Variants in FCRL3 observed in about 807,000 individuals in gnomAD.
The protein encoded by FCRL3 is Fc receptor-like protein 3.
In FCRL3, 89 loss-of-function variants were observed where a neutral mutation model predicts 75.0. The observed-to-expected ratio is 1.19, with a 90% CI of 1.00 to 1.42. The LOEUF is 1.42. FCRL3 is among the 40% of genes most tolerant of loss of function. FCRL3 has a pLI of 0.00. For synonymous variants in FCRL3, 376 were observed against 348.5 expected, an observed-to-expected ratio of 1.08 and a Z score of -0.88; for missense variants, 946 against 880.0, an observed-to-expected ratio of 1.07 and a Z score of -0.95.
At chr1:157,699,383 A>C (rs1656165036) in intron 3 of FCRL3, among the ~76,000 whole-genome samples, 1 of 151,998 alleles carries the variant, frequency 6.6e-6, no homozygotes, top group Non-Finnish European at 1.5e-5. Flanking sequence ...TCAGAGGGAG[A>C]TGTACTAGAG....
chr1:157,693,726 T>TTCTCTC (rs754715689), intron 8 of FCRL3, among the ~76,000 whole-genome samples: 10 of 149,550 alleles, frequency 6.7e-5, no homozygotes, highest in African/African-American at 2.2e-4. Flanking sequence ...CTTCCTTCCT[T>TTCTCTC]TCTCTCTCTC....
intron 3 of FCRL3, among the ~76,000 whole-genome samples, chr1:157,699,197 GGTTGCCTGA>G (rs1274657118): frequency 3.9e-5 from 6 of 152,180 alleles, no homozygotes; most frequent in East Asian, 1.9e-4. Context: ...GAGGAGGATG[GGTTGCCTGA>G]GAAGTCAGAC....
intron 6 of FCRL3, 31 bp from the exon 7 acceptor site, chr1:157,696,358 C>A: frequency 6.2e-7 from 1 of 1,608,558 alleles, no homozygotes; most frequent in Non-Finnish European, 8.5e-7. Flanking sequence ...ATGTGAAGGT[C>A]CTGATGGCAG....
In FCRL3 at chr1:157,695,436, G is replaced by A. The variant is rs1385889785; in HGVS notation, c.1304C>T (p.Ala435Val). The change falls in exon 8 of 15, where the codon GCC (alanine) becomes GTC (valine). Residue 435 changes from alanine to valine, a missense_variant. By Grantham distance (64) the Ala-to-Val change is moderately conservative. Transcript: ENST00000368184. The stretch of plus-strand genomic sequence containing the variant: ...TGCAGTCAGAGAGAGGTTGAAGGAG[G>A]CTCCTCCTCCAGAGGGGGCTGAGCT... ...GNSSAPSGGG[A>V]SFNLSLTAEH... 1 of 1,614,184 alleles carries A rather than the reference G, an allele frequency of 6.2e-7. No homozygotes were observed. The highest frequency in any genetic ancestry group is 1.7e-5 in the Admixed American group (1 of 60,028).
rs967232966 is a variant in FCRL3, at chr1:157,678,140, T to C, written c.*570A>G. On this transcript the variant is annotated 3_prime_UTR_variant, in exon 15 of 15. Transcript: ENST00000368184. ...TGCTGAAGTTATTTTTCATCATAAC[T>C]AGGGTAATTTGGTTGGGAATGTCAC... 1.4e-5 allele frequency: 14 copies of C among 986,066 alleles called. No individual in the cohort carries two copies. The highest frequency in any genetic ancestry group is 1.7e-5 in the Non-Finnish European group (14 of 830,550). The allele number at this position is 986,066 out of a possible 1,614,324, so 61.1% of individuals were successfully genotyped here. A position where few individuals can be genotyped will look rare whatever the true frequency, so the allele number is the denominator to read the frequency against.
intron 8 of FCRL3, among the ~76,000 whole-genome samples, chr1:157,694,051 C>T (rs775337918): frequency 1.1e-4 from 17 of 152,080 alleles, no homozygotes; most frequent in Admixed American, 1.3e-4. Context: ...CACCCGGCCC[C>T]TTATTTAATT....
At chr1:157,688,203 T>C (rs1176427087) in intron 10 of FCRL3, among the ~76,000 whole-genome samples, 1 of 151,942 alleles carries the variant, frequency 6.6e-6, no homozygotes, top group Non-Finnish European at 1.5e-5. Flanking sequence ...CTATTAAAAA[T>C]TAACTTTAAA....
At chr1:157,696,967 T>A in intron 6 of FCRL3, 173 bp downstream of exon 6, 1 of 490,336 alleles carries the variant, frequency 2.0e-6, no homozygotes, top group Non-Finnish European at 3.3e-6. Context: ...CTGACTCAAG[T>A]GGAAGAAAAT....
At chr1:157,686,219 A>C (rs888193759) in intron 10 of FCRL3, among the ~76,000 whole-genome samples, 1 of 151,992 alleles carries the variant, frequency 6.6e-6, no homozygotes. Context: ...TGAAATACCT[A>C]GGAATACAGC....
intron 10 of FCRL3, among the ~76,000 whole-genome samples, chr1:157,685,924 T>C (rs889948523): frequency 6.6e-6 from 1 of 152,106 alleles, no homozygotes; most frequent in Non-Finnish European, 1.5e-5. Context: ...CAACTATGCA[T>C]GTCCACTATC....
intron 11 of FCRL3, 108 bp downstream of exon 11, chr1:157,683,108 TA>T: frequency 7.9e-7 from 1 of 1,270,938 alleles, no homozygotes; most frequent in Non-Finnish European, 1.1e-6. Context: ...TGTAAGAACG[TA>T]AAAATGCTAC....
At chr1:157,693,274 CAA>C (rs375572340) in intron 8 of FCRL3, among the ~76,000 whole-genome samples, 7 of 54,790 alleles carry the variant, frequency 1.3e-4, no homozygotes, top group South Asian at 7.2e-4. Flanking sequence ...GACTCCATCT[CAA>C]AAAAAAAAAA....
chr1:157,683,820 G>A (rs556241632), intron 10 of FCRL3, among the ~76,000 whole-genome samples: 15 of 152,180 alleles, frequency 9.9e-5, no homozygotes, highest in Admixed American at 7.9e-4. Context: ...GGCTAGCTCC[G>A]ATTTATCTTT....
chr1:157,693,728 C>T (rs984237350), intron 8 of FCRL3, among the ~76,000 whole-genome samples: 5 of 148,634 alleles, frequency 3.4e-5, no homozygotes, highest in Non-Finnish European at 7.4e-5. Flanking sequence ...TCCTTCCTTT[C>T]TCTCTCTCTC....
At chr1:157,692,953 A>G (rs1217059373) in intron 8 of FCRL3, among the ~76,000 whole-genome samples, 1 of 152,188 alleles carries the variant, frequency 6.6e-6, no homozygotes, top group Non-Finnish European at 1.5e-5. Context: ...GAACATGGCA[A>G]CCAAAGTTTA....
chr1:157,688,110 T>A (rs1315095920), intron 10 of FCRL3, among the ~76,000 whole-genome samples: 1 of 151,986 alleles, frequency 6.6e-6, no homozygotes, highest in African/African-American at 2.4e-5. Context: ...ATTACACTAG[T>A]GCAAATGGTC....
intron 6 of FCRL3, chr1:157,696,646 A>C (rs1248090819): frequency 2.3e-5 from 8 of 346,604 alleles, no homozygotes; most frequent in Non-Finnish European, 1.6e-5. Flanking sequence ...AAAAGAGAAC[A>C]CTGGAGATCC....
rs773991555 is a variant in FCRL3 at position 157,680,784 on chromosome 1, TATC to T, written c.1958-17_1958-15del. On this transcript the variant is annotated splice_polypyrimidine_tract_variant and intron_variant, in intron 12 of 14. Transcript: ENST00000368184. Reference sequence around the variant, plus strand: ...CTCCAGGATTTACTGTGAGAGAAGATATCATAGTTGGTTGCAGTCAAGAGCTCA... The same window carrying T: ...CTCCAGGATTTACTGTGAGAGAAGATATAGTTGGTTGCAGTCAAGAGCTCA... 3.4e-5 allele frequency: 55 copies of T among 1,613,002 alleles called. No individual in the cohort carries two copies. The highest frequency in any genetic ancestry group is 4.4e-5 in the Non-Finnish European group (52 of 1,179,152).
intron 8 of FCRL3, among the ~76,000 whole-genome samples, chr1:157,694,939 C>A (rs1462653134): frequency 1.3e-5 from 2 of 152,038 alleles, no homozygotes; most frequent in African/African-American, 4.8e-5. Flanking sequence ...GAGATAGGGG[C>A]AGAAAACTGT....
Sources: gnomAD v4.1 joint callset for allele counts (sites outside exome capture counted in the v4.1 genomes callset) on GRCh38, gnomAD v4.1.1 for gene constraint, MANE v1.5 for transcripts, NCBI Gene and HGNC (gene_info 2026-07-23, HGNC 2026-07-21) for gene names.